ARMC2: variants seen among roughly 807,000 people sequenced by gnomAD.
ARMC2 encodes armadillo repeat-containing protein 2.
In ARMC2, 67 loss-of-function variants were observed where a neutral mutation model predicts 90.3. The observed-to-expected ratio is 0.74, with a 90% confidence interval of 0.61 to 0.91. ARMC2 has a LOEUF of 0.91. Among genes scored for constraint, ARMC2 ranks in the 40% least tolerant of loss-of-function variants. The pLI is 0.00. For synonymous variants in ARMC2, 393 were observed against 393.0 expected, an observed-to-expected ratio of 1.00 and a Z score of 0.00; for missense variants, 920 against 1,030.9, an observed-to-expected ratio of 0.89 and a Z score of 1.47.
Position 108,912,325 on chromosome 6 carries a change from T to C in ARMC2, c.1127-10T>C, listed in dbSNP as rs757576543. On this transcript the variant is annotated splice_polypyrimidine_tract_variant and intron_variant, in intron 9 of 17. Transcript: ENST00000392644. ...ACTCAGACATTTATAATAATTAATC[T>C]TTTTGACAGAATCATTATTGGAGGT... 6.4e-7 allele frequency: 1 copy of C among 1,573,098 alleles called. No individual in the cohort carries two copies. The highest frequency in any genetic ancestry group is 8.7e-7 in the Non-Finnish European group (1 of 1,155,568).
the ARMC2 span, among the ~76,000 whole-genome samples, chr6:109,020,599 C>A: frequency 6.6e-6 from 1 of 152,084 alleles, no homozygotes; most frequent in Non-Finnish European, 1.5e-5. Flanking sequence ...ATTTTTTCCT[C>A]TTTATTTCTA....
chr6:109,009,307 G>A, the ARMC2 span: 2 of 1,423,984 alleles, frequency 1.4e-6, no homozygotes, highest in South Asian at 1.4e-5. Context: ...GCTCGGCCGG[G>A]TGCCCACCCG....
intron 5 of ARMC2, among the ~76,000 whole-genome samples, chr6:108,891,614 TTTG>T (rs1359719317): frequency 1.9e-4 from 29 of 152,190 alleles, no homozygotes; most frequent in African/African-American, 7.0e-4. Flanking sequence ...TTCTTGTAAA[TTTG>T]TTTAGTTCTT....
chr6:108,912,615 T>C, intron 10 of ARMC2, 57 bp downstream of exon 10: 1 of 1,475,594 alleles, frequency 6.8e-7, no homozygotes, highest in Non-Finnish European at 9.3e-7. Flanking sequence ...CATTGCCTAA[T>C]GCCAGTTTTA....
the ARMC2 span, among the ~76,000 whole-genome samples, chr6:109,031,694 G>A: frequency 1.3e-5 from 2 of 152,230 alleles, no homozygotes; most frequent in East Asian, 3.9e-4. Flanking sequence ...AGCTCCCAGG[G>A]TAGGAAATGG....
intron 3 of ARMC2, 119 bp downstream of exon 3, chr6:108,858,390 C>A: frequency 1.8e-6 from 1 of 560,456 alleles, no homozygotes; most frequent in Non-Finnish European, 3.0e-6. Context: ...CCTAAATAGA[C>A]TAATAATTTA....
At chr6:108,899,850 G>A (rs926041751) in intron 7 of ARMC2, 58 bp downstream of exon 7, 13 of 1,327,964 alleles carry the variant, frequency 9.8e-6, no homozygotes, top group Admixed American at 2.2e-5. Flanking sequence ...AAAAATACCT[G>A]TAGTTATTTA....
chr6:109,013,056 C>T, the ARMC2 span, among the ~76,000 whole-genome samples: 1 of 148,720 alleles, frequency 6.7e-6, no homozygotes, highest in African/African-American at 2.5e-5. Context: ...GCAGAGGTTG[C>T]GATGAGCCAA....
chr6:108,907,462 T>G (rs990366201), intron 8 of ARMC2, among the ~76,000 whole-genome samples: 1 of 117,102 alleles, frequency 8.5e-6, no homozygotes, highest in African/African-American at 3.1e-5. Flanking sequence ...TTCTTTCTTT[T>G]TTTTTTTTTT....
At chr6:108,910,596 G>A (rs1773318015) in intron 8 of ARMC2, among the ~76,000 whole-genome samples, 1 of 152,120 alleles carries the variant, frequency 6.6e-6, no homozygotes, top group African/African-American at 2.4e-5. Context: ...CAGAAGAAAG[G>A]AAATCAGTGT....
At chr6:108,952,588 C>A (rs1389725102) in intron 12 of ARMC2, among the ~76,000 whole-genome samples, 2 of 139,546 alleles carry the variant, frequency 1.4e-5, no homozygotes, top group Non-Finnish European at 3.1e-5. Context: ...TATCCAGTCC[C>A]AAGTGTCAAT....
chr6:109,019,445 A>G, the ARMC2 span, among the ~76,000 whole-genome samples: 896 of 152,358 alleles, frequency 5.9e-3, 13 homozygotes, highest in African/African-American at 0.021. Context: ...TGTTGGAACT[A>G]CAACAGTTCA....
chr6:108,972,059 G>A (rs762933559), intron 17 of ARMC2, among the ~76,000 whole-genome samples: 42 of 152,198 alleles, frequency 2.8e-4, no homozygotes, highest in Non-Finnish European at 4.6e-4. Context: ...TGGCAGGTCA[G>A]TGCACTTTTC....
intron 3 of ARMC2, among the ~76,000 whole-genome samples, chr6:108,862,040 T>C (rs982073171): frequency 4.6e-5 from 7 of 152,128 alleles, no homozygotes; most frequent in African/African-American, 1.7e-4. Context: ...GGTTGGGTGC[T>C]ATGTTCACAG....
chr6:108,895,547 G>T (rs75030844), intron 6 of ARMC2, among the ~76,000 whole-genome samples: 2 of 150,328 alleles, frequency 1.3e-5, no homozygotes, highest in Admixed American at 1.3e-4. Flanking sequence ...TATTAAGACC[G>T]TCCTTTGGGC....
At chr6:109,043,495 T>C in the ARMC2 span, among the ~76,000 whole-genome samples, 15,219 of 152,136 alleles carry the variant, frequency 0.1, 930 homozygotes, top group Middle Eastern at 0.19. Flanking sequence ...AAACAACGAA[T>C]TCCTAGAACT....
chr6:108,851,107 C>A (rs887820184), intron 1 of ARMC2, among the ~76,000 whole-genome samples: 2 of 152,190 alleles, frequency 1.3e-5, no homozygotes, highest in Non-Finnish European at 2.9e-5. Context: ...CTTTTGATTT[C>A]TCGCCATTTA....
chr6:108,912,684 A>G, intron 10 of ARMC2, 126 bp downstream of exon 10: 1 of 791,978 alleles, frequency 1.3e-6, no homozygotes, highest in Non-Finnish European at 2.0e-6. Context: ...CTCCAAGGGC[A>G]GCAGCCATAG....
chr6:109,047,910 A>AGTCATCACCACTCC, the ARMC2 span, among the ~76,000 whole-genome samples: 373 of 146,528 alleles, frequency 2.5e-3, 14 homozygotes, highest in African/African-American at 9.0e-3. Flanking sequence ...GCTGGTTAAG[A>AGTCATCACCACTCC]GTCATCACCA....
Sources: gnomAD v4.1 joint callset for allele counts (sites outside exome capture counted in the v4.1 genomes callset) on GRCh38, gnomAD v4.1.1 for gene constraint, MANE v1.5 for transcripts, NCBI Gene and HGNC (gene_info 2026-07-23, HGNC 2026-07-21) for gene names.